Variants in GLI4 observed in about 807,000 individuals in gnomAD.
The protein encoded by GLI4 is GLI family zinc finger 4, also known as zinc finger protein GLI4.
Under a neutral mutation model 30.9 loss-of-function variants are expected in GLI4, and 34 were observed. The ratio of observed to expected loss-of-function variants is 1.10; its 90% CI spans 0.84 to 1.47. The LOEUF is 1.47. Ranked by LOEUF, GLI4 falls within the 40% of genes most tolerant of loss-of-function variation. The pLI is 0.00. For synonymous variants in GLI4, 277 were observed against 236.7 expected (o/e 1.17, Z -1.56); for missense variants, 696 against 538.9 (o/e 1.29, Z -2.89).
rs192793093 is a variant in GLI4, at chr8:143,274,934, C to A, written c.223+132C>A. On this transcript the variant is annotated intron_variant, in intron 3 of 3. Coordinates refer to ENST00000340042, the MANE Select transcript of GLI4 (RefSeq NM_138465.4). ...TGGGGCCCCTTTTCTTCCCTGGCAT[C>A]AGCTCACCTCTGCCCCGTGGCCCCT... is the stretch of plus-strand genomic sequence containing the variant. 3.4e-6 allele frequency: 5 copies of A among 1,474,976 alleles called. No individual in the cohort carries two copies. In the East Asian group the frequency reaches 1.3e-4, roughly 37 times the overall value. 91.4% of individuals were successfully genotyped at this position (1,474,976 alleles called of 1,614,324 possible).
chr8:143,271,638 G>T (rs1196589791), intron 2 of GLI4, among the ~76,000 whole-genome samples: 1 of 152,198 alleles, frequency 6.6e-6, no homozygotes, highest in African/African-American at 2.4e-5. Flanking sequence ...GGTTCCTGGG[G>T]CCCACCCCAG....
Position 143,276,795 on chromosome 8 carries a change from C to G in GLI4, c.1122C>G (p.Tyr374Ter). Reference sequence around the variant, plus strand: ...TCATCCAGCACCAGCGGGTGCACTACCGCGAGTAGCCGGGCGGGGGCTCGG... The same window carrying G: ...TCATCCAGCACCAGCGGGTGCACTAGCGCGAGTAGCCGGGCGGGGGCTCGG... ...SQLIQHQRVH[Y>*]RE The change falls in exon 4 of 4, where the codon TAC becomes TAG. Residue 374 changes from tyrosine (Y) to a stop codon, truncating the protein, a stop_gained. Transcript: ENST00000340042. LOFTEE classifies it high-confidence loss of function. 6.4e-7 allele frequency: 1 copy of G among 1,560,490 alleles called. No homozygotes were observed. Among genetic ancestry groups the G allele is most frequent in the Non-Finnish European group, 8.7e-7 (1 of 1,154,938 alleles).
chr8:143,275,985 GA>G lies in GLI4; in HGVS notation c.313del (p.Arg105GlyfsTer41). On this transcript the variant is annotated frameshift_variant, in exon 4 of 4. Coordinates refer to ENST00000340042, the MANE Select transcript of GLI4 (RefSeq NM_138465.4). LOFTEE classifies it low-confidence loss of function (END_TRUNC). Reference sequence around the variant, plus strand: ...CGGGCGGGGCGCTGCGCAGCCTCCTGAGGAGCCTTCCCCGCAGGGCCCGGTG... The same window carrying G: ...CGGGCGGGGCGCTGCGCAGCCTCCTGGGAGCCTTCCCCGCAGGGCCCGGTG... ...GAGGALRSLL[R>X]SLPRRARCSA... The G allele has an allele frequency of 7.1e-7, 1 of 1,400,066 alleles. No individual in the cohort carries two copies. The highest frequency in any genetic ancestry group is 3.2e-5 in the Admixed American group (1 of 31,488). 86.7% of individuals were successfully genotyped at this position (1,400,066 alleles called of 1,614,324 possible).
chr8:143,276,633 G>A lies in GLI4; in HGVS notation c.960G>A (p.Glu320=). 1 of 1,612,574 alleles carries A rather than the reference G, an allele frequency of 6.2e-7. No homozygotes were observed. The highest frequency in any genetic ancestry group is 1.3e-5 in the African/African-American group (1 of 74,918). Residue 320 remains glutamate, a synonymous_variant, in exon 4 of 4, where the codon GAG becomes GAA. Coordinates refer to ENST00000340042, the MANE Select transcript of GLI4 (RefSeq NM_138465.4). ...LIEHQRIHTG[E]KPYECSDCGK... is the part of the protein sequence containing the mutation. Reference sequence around the variant, plus strand: ...AGCACCAGCGCATCCACACTGGCGAGAAGCCCTACGAGTGCTCCGACTGCG... The same window carrying A: ...AGCACCAGCGCATCCACACTGGCGAAAAGCCCTACGAGTGCTCCGACTGCG...
intron 3 of GLI4, 55 bp downstream of exon 3, chr8:143,274,857 C>T (rs1467209287): frequency 6.6e-7 from 1 of 1,516,026 alleles, no homozygotes; most frequent in Non-Finnish European, 8.9e-7. Context: ...GTGCCAGGCT[C>T]CTCACAATGC....
intron 1 of GLI4, 144 bp from the exon 2 acceptor site, chr8:143,269,216 G>T: frequency 1.5e-6 from 1 of 678,824 alleles, no homozygotes; most frequent in Non-Finnish European, 2.6e-6. Flanking sequence ...ATGTGTCTCT[G>T]TGGGTTCATC....
chr8:143,274,908 C>A, intron 3 of GLI4, 106 bp downstream of exon 3: 1 of 1,483,816 alleles, frequency 6.7e-7, no homozygotes, highest in South Asian at 1.3e-5. Flanking sequence ...CACCCCCTTC[C>A]TGGGGCCCCT....
rs922338578 is a variant in GLI4 at position 143,267,526 on chromosome 8, G to C, written c.-38+42G>C. ...GGCGGCGGCGGCTCCGGGTGCCTGG[G>C]ACCAGCCCAGTCCGAGCTCGTGCGC... is the stretch of plus-strand genomic sequence containing the variant. On this transcript the variant is annotated intron_variant, in intron 1 of 3. Transcript: ENST00000340042. The C allele has an allele frequency of 2.3e-5, 23 of 986,064 alleles. No individual in the cohort carries two copies. In the African/African-American group the frequency reaches 4.0e-4, roughly 17 times the overall value. 61.1% of individuals were successfully genotyped at this position (986,064 alleles called of 1,614,324 possible).
chr8:143,268,754 G>A (rs558179002), intron 1 of GLI4, among the ~76,000 whole-genome samples: 2 of 152,094 alleles, frequency 1.3e-5, no homozygotes, highest in Admixed American at 1.3e-4. Flanking sequence ...TGGGACAGGA[G>A]CTTCGCTTCA....
Position 143,276,723 on chromosome 8 carries a change from C to T in GLI4, c.1050C>T (p.Pro350=), listed in dbSNP as rs1815397830. ...RHLRTHTGEK[P]FACGACGKAF... ...TGCGGACCCACACGGGCGAGAAGCC[C>T]TTCGCGTGTGGCGCCTGCGGCAAGG... Residue 350 remains proline (P), a synonymous_variant, in exon 4 of 4, where the codon CCC becomes CCT. Transcript: ENST00000340042. 1.1e-5 allele frequency: 17 copies of T among 1,610,116 alleles called. No individual in the cohort carries two copies. The highest frequency in any genetic ancestry group is 3.3e-5 in the Admixed American group (2 of 59,770).
At chr8:143,273,723 G>A (rs935237479) in intron 2 of GLI4, among the ~76,000 whole-genome samples, 8 of 152,196 alleles carry the variant, frequency 5.3e-5, no homozygotes, top group Non-Finnish European at 1.2e-4. Context: ...GTCTTTCTGT[G>A]CCCATCTCTG....
chr8:143,275,625 C>T (rs1043998894), intron 3 of GLI4: 1 of 1,234,942 alleles, frequency 8.1e-7, no homozygotes, highest in African/African-American at 1.6e-5. Flanking sequence ...CACTGTGGCT[C>T]CGTGCACCGG....
In GLI4 at chr8:143,276,228, C is replaced by T; in HGVS notation, c.555C>T (p.Cys185=). 3 of 1,596,850 alleles carry T rather than the reference C, an allele frequency of 1.9e-6. No homozygotes were observed. The highest frequency in any genetic ancestry group is 2.6e-6 in the Non-Finnish European group (3 of 1,172,424). ...CGCGGGGGGCCAAGCCGCACAGGTG[C>T]GAGGCCTGCGGCAAGAGTTTCAAGT... ...GSARGAKPHR[C]EACGKSFKYN... Residue 185 remains cysteine, a synonymous_variant, in exon 4 of 4, where the codon TGC becomes TGT. Coordinates refer to ENST00000340042, the MANE Select transcript of GLI4 (RefSeq NM_138465.4).
chr8:143,268,838 T>TTGCTGCTGCTGCTGCTGCTGCTGC (rs201537418), intron 1 of GLI4, among the ~76,000 whole-genome samples: 20 of 148,118 alleles, frequency 1.4e-4, no homozygotes, highest in East Asian at 6.0e-4. Context: ...CGTTACTCCT[T>TTGCTGCTGCTGCTGCTGCTGCTGC]TGCTGCTGCT....
At chr8:143,274,071 G>T (rs1354826221) in intron 2 of GLI4, among the ~76,000 whole-genome samples, 1 of 152,316 alleles carries the variant, frequency 6.6e-6, no homozygotes, top group East Asian at 1.9e-4. Flanking sequence ...GTGGGAGGGG[G>T]GTCTTGGTCC....
In GLI4 at chr8:143,269,572, G is replaced by T. The variant is rs763368669; in HGVS notation, c.124+52G>T. On this transcript the variant is annotated intron_variant, in intron 2 of 3. Coordinates refer to ENST00000340042, the MANE Select transcript of GLI4 (RefSeq NM_138465.4). ...TCCACCCTGCATCCCCTGCCCTCACGTCCCCTGCCCTGTCTCCTCCTGACC... is the reference window on the plus strand; with the variant it reads ...TCCACCCTGCATCCCCTGCCCTCACTTCCCCTGCCCTGTCTCCTCCTGACC... 1.5e-5 allele frequency: 23 copies of T among 1,489,214 alleles called. No homozygotes were observed. The Admixed American group carries it at 3.2e-4, about 21-fold the overall frequency. 92.3% of individuals were successfully genotyped at this position (1,489,214 alleles called of 1,614,324 possible).
chr8:143,274,888 A>G (rs969767242), intron 3 of GLI4, 86 bp downstream of exon 3: 175 of 1,498,422 alleles, frequency 1.2e-4, no homozygotes, highest in Admixed American at 1.6e-4. Flanking sequence ...GGCACCCCCA[A>G]TGCTGGCACC....
chr8:143,270,388 G>C (rs1373743232), intron 2 of GLI4, among the ~76,000 whole-genome samples: 2 of 152,230 alleles, frequency 1.3e-5, no homozygotes, highest in Non-Finnish European at 2.9e-5. Flanking sequence ...TGAGTTAGAG[G>C]AGCAGGGAGC....
chr8:143,269,694 G>A (rs546606247), intron 2 of GLI4, among the ~76,000 whole-genome samples, 174 bp downstream of exon 2: 30 of 152,338 alleles, frequency 2.0e-4, no homozygotes, highest in Non-Finnish European at 3.7e-4. Flanking sequence ...GGCTCGGCGC[G>A]GGTTGGGTTG....
Sources: gnomAD v4.1 joint callset for allele counts (sites outside exome capture counted in the v4.1 genomes callset) on GRCh38, gnomAD v4.1.1 for gene constraint, MANE v1.5 for transcripts, NCBI Gene and HGNC (gene_info 2026-07-23, HGNC 2026-07-21) for gene names.